The following XIRP2 variants were observed in gnomAD, a reference collection of about 807,000 sequenced individuals.
XIRP2 encodes xin actin-binding repeat-containing protein 2.
XIRP2 carries 236 observed loss-of-function variants against 277.0 expected under a neutral mutation model. The ratio of observed to expected loss-of-function variants is 0.85; its 90% CI spans 0.77 to 0.95. The LOEUF (loss-of-function observed/expected upper bound fraction) is 0.95, where lower values mean the gene tolerates loss of function less well. Among genes scored for constraint, XIRP2 ranks in the 40% least tolerant of loss-of-function variants. The probability of loss-of-function intolerance (pLI) is 0.00; values close to 1 mark genes in which losing one functional copy is unlikely to be tolerated. For missense variants in XIRP2, 4,640 were observed against 4,157.5 expected (o/e 1.12, Z -3.19); for synonymous variants, 1,490 against 1,416.5 (o/e 1.05, Z -1.17).
intron 3 of XIRP2, chr2:167,140,780 C>A (rs1448403947): frequency 6.6e-6 from 1 of 152,170 alleles, no homozygotes; most frequent in Non-Finnish European, 1.5e-5. Context: ...TATCAGTAAT[C>A]ATCTCTAATT....
intron 2 of XIRP2, among the ~76,000 whole-genome samples, chr2:167,085,486 C>T (rs1278346314): frequency 6.6e-6 from 1 of 151,600 alleles, no homozygotes; most frequent in Non-Finnish European, 1.5e-5. Context: ...GAGTTCAGTT[C>T]CTGGGTATCC....
At chr2:167,132,522 A>ACACG (rs1240339769) in intron 2 of XIRP2, among the ~76,000 whole-genome samples, 22 of 140,782 alleles carry the variant, frequency 1.6e-4, no homozygotes, top group South Asian at 1.3e-3. Context: ...ACACACACAC[A>ACACG]CACACACACA....
In XIRP2 at chr2:166,948,117, C is replaced by T. The variant is rs781557535; in HGVS notation, c.408+44227C>T. Among the ~76,000 whole-genome samples the T allele has an allele frequency of 2.2e-4, 34 of 151,996 alleles. 1 individual carries two copies. Among genetic ancestry groups the T allele is most frequent in the South Asian group, 2.1e-4 (1 of 4,830 alleles). On this transcript the variant is annotated intron_variant, in intron 2 of 10. Coordinates refer to ENST00000409195, the MANE Select transcript of XIRP2 (RefSeq NM_152381.6). ...TTTTTAGGGGCAGTAAAATATACTT[C>T]GTATGATAGTATAACGGTGGATTCA...
chr2:166,943,104 T>A (rs1685762359), intron 2 of XIRP2, among the ~76,000 whole-genome samples: 2 of 152,132 alleles, frequency 1.3e-5, no homozygotes, highest in Admixed American at 6.5e-5. Context: ...ATGGGAAACT[T>A]TGTTTCTTTT....
Position 167,251,618 on chromosome 2 carries a change from G to A in XIRP2, c.10226G>A (p.Cys3409Tyr). The change falls in exon 9 of 11, where the codon TGC becomes TAC. Residue 3409 changes from cysteine (C) to tyrosine (Y), a missense_variant. Coordinates refer to ENST00000409195, the MANE Select transcript of XIRP2 (RefSeq NM_152381.6). Reference protein sequence around the residue: ...EKIPVKQPRICSETRSLSEHF... With the variant: ...EKIPVKQPRIYSETRSLSEHF... The stretch of plus-strand genomic sequence containing the variant: ...ATTCCTGTTAAGCAGCCCAGGATCT[G>A]CTCTGAAACCAGGTCTCTAAGTGAA... The A allele has an allele frequency of 6.2e-7, 1 of 1,613,512 alleles. No homozygotes were observed. Among genetic ancestry groups the A allele is most frequent in the Non-Finnish European group, 8.5e-7 (1 of 1,179,654 alleles).
chr2:167,215,168 C>G (rs1288841551), intron 4 of XIRP2, among the ~76,000 whole-genome samples: 1 of 152,046 alleles, frequency 6.6e-6, no homozygotes, highest in Non-Finnish European at 1.5e-5. Flanking sequence ...ATATTGTGGC[C>G]TTAATTCACC....
intron 5 of XIRP2, among the ~76,000 whole-genome samples, chr2:167,220,812 T>C (rs1694403021): frequency 6.6e-6 from 1 of 152,172 alleles, no homozygotes; most frequent in African/African-American, 2.4e-5. Context: ...GAAGAATATA[T>C]GCTGGGTAAA....
Position 167,090,785 on chromosome 2 carries a change from G to A in XIRP2, c.409-45124G>A, listed in dbSNP as rs528437118. 7.9e-5 allele frequency among the ~76,000 whole-genome samples: 12 copies of A among 152,104 alleles called. No individual in the cohort carries two copies. The East Asian group carries it at 2.3e-3, about 30-fold the overall frequency. On this transcript the variant is annotated intron_variant, in intron 2 of 10. Coordinates refer to ENST00000409195, the MANE Select transcript of XIRP2 (RefSeq NM_152381.6). The stretch of plus-strand genomic sequence containing the variant: ...AAGGGGAACCAATCCATTCCTGCAA[G>A]AACCAATGTGATCTCTCATGACCAA...
At chr2:167,137,098 T>G (rs1482040745) in intron 3 of XIRP2, among the ~76,000 whole-genome samples, 1 of 152,180 alleles carries the variant, frequency 6.6e-6, no homozygotes, top group Non-Finnish European at 1.5e-5. Context: ...CTGTACACTG[T>G]GACAGAACAG....
At chr2:167,143,004 G>A (rs73970863) in intron 3 of XIRP2, among the ~76,000 whole-genome samples, 4,866 of 152,200 alleles carry the variant, frequency 0.032, 252 homozygotes, top group African/African-American at 0.11. Context: ...AACAAAGGCA[G>A]GAAGAGAAGT....
At chr2:167,046,386 C>T (rs1431106732) in intron 2 of XIRP2, among the ~76,000 whole-genome samples, 1 of 151,048 alleles carries the variant, frequency 6.6e-6, no homozygotes, top group South Asian at 2.1e-4. Context: ...ACTTTGATGC[C>T]TAAGGTGTGG....
At chr2:167,240,587 A>C in intron 6 of XIRP2, 77 bp from the exon 7 acceptor site, 1 of 1,257,146 alleles carries the variant, frequency 8.0e-7, no homozygotes, top group Non-Finnish European at 1.2e-6. Context: ...TCACTGTAAA[A>C]TGAAGAGTAT....
intron 2 of XIRP2, among the ~76,000 whole-genome samples, chr2:167,076,453 A>G (rs1056024116): frequency 3.9e-5 from 6 of 152,244 alleles, no homozygotes; most frequent in African/African-American, 1.2e-4. Flanking sequence ...GAGAAAACTC[A>G]TAGAGGATAA....
chr2:166,939,455 C>A (rs749063580), intron 2 of XIRP2, among the ~76,000 whole-genome samples: 1 of 151,662 alleles, frequency 6.6e-6, no homozygotes, highest in African/African-American at 2.4e-5. Context: ...CTGAGGCGGG[C>A]GGATCACAAG....
intron 3 of XIRP2, among the ~76,000 whole-genome samples, chr2:167,176,537 T>A (rs192975310): frequency 4.6e-4 from 70 of 152,314 alleles, no homozygotes; most frequent in Admixed American, 1.4e-3. Flanking sequence ...ATTGACTGTG[T>A]TTTCTTTTAT....
At chr2:167,208,148 T>C (rs1693913566) in intron 3 of XIRP2, among the ~76,000 whole-genome samples, 1 of 152,216 alleles carries the variant, frequency 6.6e-6, no homozygotes, top group South Asian at 2.1e-4. Flanking sequence ...AGACAAAAAC[T>C]TGCAACAAAA....
intron 2 of XIRP2, among the ~76,000 whole-genome samples, chr2:166,940,864 G>GT (rs1227047404): frequency 6.6e-6 from 1 of 152,190 alleles, no homozygotes; most frequent in Non-Finnish European, 1.5e-5. Flanking sequence ...CTACTTGGGG[G>GT]TGCCTCCCTG....
At chr2:166,975,125 C>T (rs1370595881) in intron 2 of XIRP2, among the ~76,000 whole-genome samples, 1 of 151,902 alleles carries the variant, frequency 6.6e-6, no homozygotes, top group Non-Finnish European at 1.5e-5. Flanking sequence ...ATACATATTA[C>T]CTAATAAAAG....
intron 2 of XIRP2, among the ~76,000 whole-genome samples, chr2:167,018,823 C>T (rs535904000): frequency 4.4e-4 from 67 of 152,158 alleles, no homozygotes; most frequent in Non-Finnish European, 8.4e-4. Flanking sequence ...CATCACCTCC[C>T]ACTTGCCTTC....
Sources: allele counts gnomAD v4.1 joint callset (sites outside exome capture counted in the v4.1 genomes callset), GRCh38; gene constraint gnomAD v4.1.1; transcripts MANE v1.5; gene names NCBI Gene and HGNC (gene_info 2026-07-23, HGNC 2026-07-21).